The following RASGEF1B variants were observed in gnomAD, a reference collection of about 807,000 sequenced individuals.
The protein encoded by RASGEF1B is ras-GEF domain-containing family member 1B.
RASGEF1B carries 30 observed loss-of-function variants against 65.7 expected under a neutral mutation model. The ratio of observed to expected loss-of-function variants is 0.46; its 90% CI spans 0.34 to 0.62. RASGEF1B has a LOEUF of 0.62. RASGEF1B is among the 20% of genes least tolerant of loss of function. The probability of loss-of-function intolerance (pLI) is 0.01; values close to 1 mark genes in which losing one functional copy is unlikely to be tolerated. For missense variants in RASGEF1B, 495 were observed against 580.1 expected (o/e 0.85, Z 1.51); for synonymous variants, 175 against 194.8 (o/e 0.90, Z 0.85).
intron 12 of RASGEF1B, among the ~76,000 whole-genome samples, chr4:81,433,542 T>G (rs1721508042): frequency 6.6e-6 from 1 of 152,100 alleles, no homozygotes; most frequent in African/African-American, 2.4e-5. Flanking sequence ...TTTTGTCTAT[T>G]CAAGTAAGCT....
chr4:81,466,771 AAAGAAAG>A (rs1419980508), intron 1 of RASGEF1B, among the ~76,000 whole-genome samples: 28 of 26,730 alleles, frequency 1.0e-3, no homozygotes, highest in African/African-American at 3.5e-3. Context: ...AAAAAAAAAA[AAAGAAAG>A]AAAGAAAGAA....
At chr4:81,439,929 A>C (rs1216432184) in intron 10 of RASGEF1B, among the ~76,000 whole-genome samples, 1 of 152,228 alleles carries the variant, frequency 6.6e-6, no homozygotes, top group Non-Finnish European at 1.5e-5. Flanking sequence ...TTGAGAACCA[A>C]GTTCGCATTT....
chr4:81,456,233 T>C (rs533839060), intron 4 of RASGEF1B: 3 of 472,374 alleles, frequency 6.4e-6, no homozygotes, highest in East Asian at 3.6e-5. Context: ...TTATGATTTA[T>C]TAATCTACTA....
At chr4:81,454,019 T>A (rs1188637977) in intron 4 of RASGEF1B, 1 of 152,176 alleles carries the variant, frequency 6.6e-6, no homozygotes, top group African/African-American at 2.4e-5. Flanking sequence ...TTTAATCAAT[T>A]CCTCAGTTAG....
At chr4:81,442,455 A>G (rs1178290992) in intron 8 of RASGEF1B, 79 bp from the exon 9 acceptor site, 1 of 806,666 alleles carries the variant, frequency 1.2e-6, no homozygotes, top group African/African-American at 1.7e-5. Flanking sequence ...ACATACTTCT[A>G]AAATACTTTC....
intron 1 of RASGEF1B, among the ~76,000 whole-genome samples, chr4:81,461,229 G>A (rs1722632416): frequency 6.6e-6 from 1 of 152,214 alleles, no homozygotes; most frequent in African/African-American, 2.4e-5. Context: ...GAGCCAGTCT[G>A]TCCTTGCCCT....
Position 81,433,865 on chromosome 4 carries a change from G to A in RASGEF1B, c.1299C>T (p.Leu433=). Residue 433 remains leucine (L), a synonymous_variant, in exon 12 of 14, where the codon CTC becomes CTT. Coordinates refer to ENST00000264400, the MANE Select transcript of RASGEF1B (RefSeq NM_152545.3). ...ERDRKILQYL[L]TVPVFSEDAL... ...CATCTTCACTGAAGACTGGTACTGT[G>A]AGCAGATACTGCAAGATCTTCCGGT... 1 of 1,614,032 alleles carries A rather than the reference G, an allele frequency of 6.2e-7. No homozygotes were observed. Among genetic ancestry groups the A allele is most frequent in the Non-Finnish European group, 8.5e-7 (1 of 1,179,960 alleles).
chr4:81,459,486 GA>G lies in RASGEF1B; in HGVS notation c.22del (p.Ser8GlnfsTer43). MPQTPPF[S>X]AMFDSSGYNR... ...GTAACCACTGCTGTCAAACATTGCT[GA>G]AAAGGGAGGAGTCTGAGGCATACTT... On this transcript the variant is annotated frameshift_variant, in exon 2 of 14. Coordinates refer to ENST00000264400, the MANE Select transcript of RASGEF1B (RefSeq NM_152545.3). LOFTEE classifies it high-confidence loss of function. 6.2e-7 allele frequency: 1 copy of G among 1,601,840 alleles called. No homozygotes were observed. The highest frequency in any genetic ancestry group is 1.1e-5 in the South Asian group (1 of 88,278).
Position 81,432,446 on chromosome 4 carries a change from G to A in RASGEF1B, c.1325-75C>T, listed in dbSNP as rs149673218. ...ATATTATCTACCACCACCCTTGTTC[G>A]ACTTGAGCCAAACTCCATAGCAAAA... On this transcript the variant is annotated intron_variant, in intron 12 of 13. Coordinates refer to ENST00000264400, the MANE Select transcript of RASGEF1B (RefSeq NM_152545.3). 1.6e-3 allele frequency: 1,423 copies of A among 906,878 alleles called. 6 individuals carry two copies. Among genetic ancestry groups the A allele is most frequent in the East Asian group, 7.6e-3 (311 of 40,706 alleles). 56.2% of individuals were successfully genotyped at this position (906,878 alleles called of 1,614,324 possible).
In RASGEF1B at chr4:81,433,820, C is replaced by A. The variant is rs769255160; in HGVS notation, c.1324+20G>T. ...AAGGATTTGGGGATGCTAGTGGTAGCTCCTATTGAATGGCCTTACCATCTT... is the reference window on the plus strand; with the variant it reads ...AAGGATTTGGGGATGCTAGTGGTAGATCCTATTGAATGGCCTTACCATCTT... On this transcript the variant is annotated intron_variant, in intron 12 of 13. Transcript: ENST00000264400. The A allele has an allele frequency of 1.2e-6, 2 of 1,611,234 alleles. No individual in the cohort carries two copies. Among genetic ancestry groups the A allele is most frequent in the Non-Finnish European group, 1.7e-6 (2 of 1,178,904 alleles).
chr4:81,433,871 A>T lies in RASGEF1B; in HGVS notation c.1293T>A (p.Tyr431Ter). Residue 431 changes from tyrosine (Y) to a stop codon, truncating the protein, a stop_gained, in exon 12 of 14, where the codon TAT (tyrosine) becomes TAA (stop). Coordinates refer to ENST00000264400, the MANE Select transcript of RASGEF1B (RefSeq NM_152545.3). LOFTEE classifies it high-confidence loss of function. ...CACTGAAGACTGGTACTGTGAGCAG[A>T]TACTGCAAGATCTTCCGGTCCCTCT... is the stretch of plus-strand genomic sequence containing the variant. Reference protein sequence around the residue: ...PFERDRKILQYLLTVPVFSED... With the variant: ...PFERDRKILQ 6.2e-7 allele frequency: 1 copy of T among 1,614,092 alleles called. No individual in the cohort carries two copies. Among genetic ancestry groups the T allele is most frequent in the Non-Finnish European group, 8.5e-7 (1 of 1,179,970 alleles).
intron 1 of RASGEF1B, among the ~76,000 whole-genome samples, chr4:81,462,552 G>A (rs1722683895): frequency 6.6e-6 from 1 of 152,110 alleles, no homozygotes; most frequent in East Asian, 1.9e-4. Flanking sequence ...TGTTGAACTT[G>A]CACATAGCAA....
rs182973363 is a variant in RASGEF1B, at chr4:81,439,881, T to C, written c.1104+953A>G. 8.5e-4 allele frequency among the ~76,000 whole-genome samples: 129 copies of C among 152,348 alleles called. No homozygotes were observed. The Middle Eastern group carries it at 0.01, about 12-fold the overall frequency. ...TAAAAAATTTGAAGTATTTACAATA[T>C]CCTTCAAACATTGTTAGAACTGATA... On this transcript the variant is annotated intron_variant, in intron 10 of 13. Coordinates refer to ENST00000264400, the MANE Select transcript of RASGEF1B (RefSeq NM_152545.3).
At chr4:81,432,509 A>C in intron 12 of RASGEF1B, 138 bp from the exon 13 acceptor site, 2 of 554,200 alleles carry the variant, frequency 3.6e-6, no homozygotes, top group Admixed American at 6.7e-5. Flanking sequence ...AAGAAGCTTC[A>C]CTGTTTCATG....
chr4:81,454,399 T>C (rs1334378442), intron 4 of RASGEF1B: 2 of 152,178 alleles, frequency 1.3e-5, no homozygotes, highest in African/African-American at 2.4e-5. Flanking sequence ...GACTGACATA[T>C]AATGTTAAGT....
At chr4:81,433,803 G>A in intron 12 of RASGEF1B, 37 bp downstream of exon 12, 2 of 1,605,238 alleles carry the variant, frequency 1.2e-6, no homozygotes, top group Non-Finnish European at 1.7e-6. Context: ...TGAAGGATTT[G>A]GGGATGCTAG....
intron 13 of RASGEF1B, among the ~76,000 whole-genome samples, chr4:81,428,134 T>C (rs1721292155): frequency 6.6e-6 from 1 of 152,230 alleles, no homozygotes; most frequent in Non-Finnish European, 1.5e-5. Context: ...ATTTACTTGG[T>C]AGATATAAGC....
chr4:81,434,653 G>A lies in RASGEF1B; in HGVS notation c.1186C>T (p.His396Tyr), dbSNP rs745650974. 5 of 1,593,008 alleles carry A rather than the reference G, an allele frequency of 3.1e-6. No individual in the cohort carries two copies. The highest frequency in any genetic ancestry group is 4.3e-6 in the Non-Finnish European group (5 of 1,160,888). ...ATCACACTCACCTCAAAATTGACAT[G>A]GCCATTGGGAAGGCGGTTGGCACAA... is the stretch of plus-strand genomic sequence containing the variant. ...EGCANRLPNGHVNFEKFWELA... is the reference protein window; with the variant it reads ...EGCANRLPNGYVNFEKFWELA... Residue 396 changes from histidine (H) to tyrosine (Y), a missense_variant, in exon 11 of 14, where the codon CAT becomes TAT. His to Tyr is a moderately conservative substitution (Grantham distance 83). Transcript: ENST00000264400.
rs962076976 is a variant in RASGEF1B at position 81,471,754 on chromosome 4, C to A, written c.-7+16G>T. 4.6e-5 allele frequency: 7 copies of A among 152,722 alleles called. 1 individual carries two copies. The highest frequency in any genetic ancestry group is 3.9e-4 in the Admixed American group (6 of 15,286). The allele number at this position is 152,722 out of a possible 1,614,324, so 9.5% of individuals were successfully genotyped here. A position where few individuals can be genotyped will look rare whatever the true frequency, so the allele number is the denominator to read the frequency against. On this transcript the variant is annotated intron_variant, in intron 1 of 13. Transcript: ENST00000264400. Reference sequence around the variant, plus strand: ...TCCCCCAGCCGGGAGAACAACCCAGCCAGGGAACAACCTACCTGCAGGTGA... The same window carrying A: ...TCCCCCAGCCGGGAGAACAACCCAGACAGGGAACAACCTACCTGCAGGTGA...
Sources: gnomAD v4.1 joint callset for allele counts (sites outside exome capture counted in the v4.1 genomes callset) on GRCh38, gnomAD v4.1.1 for gene constraint, MANE v1.5 for transcripts, NCBI Gene and HGNC (gene_info 2026-07-23, HGNC 2026-07-21) for gene names.